The following GBE1 variants were observed in gnomAD, a reference collection of about 807,000 sequenced individuals.
The protein encoded by GBE1 is 1,4-alpha-glucan-branching enzyme.
In GBE1, 70 loss-of-function variants were observed where a neutral mutation model predicts 88.8. That is an observed-to-expected ratio of 0.79 (90% CI 0.65 to 0.96). The LOEUF is 0.96. Ranked by LOEUF, GBE1 falls within the 40% of genes least tolerant of loss-of-function variation. The pLI is 0.00. For synonymous variants in GBE1, 284 were observed against 300.1 expected (o/e 0.95, Z 0.56); for missense variants, 872 against 871.0 (o/e 1.00, Z -0.01).
At chr3:81,700,656 T>C (rs181431875) in intron 2 of GBE1, among the ~76,000 whole-genome samples, 4 of 152,172 alleles carry the variant, frequency 2.6e-5, no homozygotes, top group Admixed American at 6.5e-5. Context: ...TTAAGAAATA[T>C]GAAGGCTTTT....
chr3:81,714,472 T>C (rs1705914139), intron 1 of GBE1, among the ~76,000 whole-genome samples: 2 of 152,156 alleles, frequency 1.3e-5, no homozygotes, highest in Non-Finnish European at 1.5e-5. Flanking sequence ...ACACTATTAA[T>C]TAATGTATTC....
At chr3:81,635,817 T>C (rs1704584416) in intron 7 of GBE1, among the ~76,000 whole-genome samples, 1 of 152,154 alleles carries the variant, frequency 6.6e-6, no homozygotes, top group South Asian at 2.1e-4. Context: ...AATAGAGAGA[T>C]GTTTTAGGGC....
At chr3:81,745,572 T>C (rs1706410519) in intron 1 of GBE1, among the ~76,000 whole-genome samples, 1 of 151,886 alleles carries the variant, frequency 6.6e-6, no homozygotes, top group African/African-American at 2.4e-5. Flanking sequence ...ATTATTATTA[T>C]CAGTAAACTT....
intron 14 of GBE1, among the ~76,000 whole-genome samples, chr3:81,532,523 C>A (rs1485268399): frequency 6.6e-6 from 1 of 151,994 alleles, no homozygotes; most frequent in Admixed American, 6.6e-5. Context: ...CCCTAATTAT[C>A]TTTTAGGTGT....
In GBE1 at chr3:81,497,107, G is replaced by A. The variant is rs79270770; in HGVS notation, c.2052+2003C>T. Among the ~76,000 whole-genome samples, 1,225 of 152,218 alleles carry A rather than the reference G, an allele frequency of 8.0e-3. 13 individuals carry two copies. The highest frequency in any genetic ancestry group is 0.025 in the African/African-American group (1,029 of 41,550). ...TTTTCCACACTGGTGAGATCAATTC[G>A]ATTAGTGATTGAAAAGTAATCTCCT... On this transcript the variant is annotated intron_variant, in intron 15 of 15. Coordinates refer to ENST00000429644, the MANE Select transcript of GBE1 (RefSeq NM_000158.4).
intron 7 of GBE1, among the ~76,000 whole-genome samples, chr3:81,594,748 C>T (rs1472915983): frequency 6.6e-6 from 1 of 151,972 alleles, no homozygotes; most frequent in Non-Finnish European, 1.5e-5. Flanking sequence ...AACAAAGAAA[C>T]TGTGTAACTC....
chr3:81,711,672 T>C (rs1444346239), intron 1 of GBE1, among the ~76,000 whole-genome samples: 1 of 152,178 alleles, frequency 6.6e-6, no homozygotes, highest in Non-Finnish European at 1.5e-5. Context: ...GATTAAAGAC[T>C]TAAATGTTAG....
At chr3:81,517,829 C>A (rs1489571879) in intron 14 of GBE1, among the ~76,000 whole-genome samples, 1 of 151,218 alleles carries the variant, frequency 6.6e-6, no homozygotes, top group East Asian at 1.9e-4. Flanking sequence ...AGTTATTTCA[C>A]CACTAGGTAG....
chr3:81,615,356 C>A (rs1336731819), intron 7 of GBE1, among the ~76,000 whole-genome samples: 1 of 152,126 alleles, frequency 6.6e-6, no homozygotes, highest in African/African-American at 2.4e-5. Flanking sequence ...ATATTGGCAT[C>A]AATACAGCCA....
At chr3:81,638,357 T>A (rs944508378) in intron 7 of GBE1, among the ~76,000 whole-genome samples, 9 of 152,150 alleles carry the variant, frequency 5.9e-5, no homozygotes, top group African/African-American at 2.2e-4. Flanking sequence ...AAGTCAGTAT[T>A]TTATCTTTGA....
intron 7 of GBE1, chr3:81,642,523 A>G (rs1453019159): frequency 3.3e-6 from 1 of 298,516 alleles, no homozygotes; most frequent in East Asian, 7.1e-5. Flanking sequence ...AAAATGATTC[A>G]CAGTAAAATT....
At chr3:81,571,608 A>G (rs558476835) in intron 12 of GBE1, among the ~76,000 whole-genome samples, 3 of 152,320 alleles carry the variant, frequency 2.0e-5, no homozygotes, top group East Asian at 3.9e-4. Context: ...GTGCTCTTCT[A>G]TAACACTACA....
At chr3:81,737,698 G>T (rs1706287726) in intron 1 of GBE1, among the ~76,000 whole-genome samples, 1 of 150,942 alleles carries the variant, frequency 6.6e-6, no homozygotes, top group Non-Finnish European at 1.5e-5. Flanking sequence ...CATTTTTGTT[G>T]AATTTTATGT....
chr3:81,560,536 A>G (rs1179246104), intron 12 of GBE1, among the ~76,000 whole-genome samples: 1 of 152,022 alleles, frequency 6.6e-6, no homozygotes, highest in African/African-American at 2.4e-5. Flanking sequence ...CATGATGTAT[A>G]AAAGATTAAA....
intron 14 of GBE1, among the ~76,000 whole-genome samples, chr3:81,520,759 A>C (rs1160215034): frequency 6.6e-6 from 1 of 151,616 alleles, no homozygotes; most frequent in Non-Finnish European, 1.5e-5. Context: ...TATCTATTGC[A>C]TTAAAGAATA....
chr3:81,692,529 C>T (rs898688201), intron 2 of GBE1, among the ~76,000 whole-genome samples: 2 of 152,180 alleles, frequency 1.3e-5, no homozygotes, highest in African/African-American at 2.4e-5. Flanking sequence ...CCCCCTTTTG[C>T]TCTCAGTTTT....
At chr3:81,727,074 A>G (rs1235391853) in intron 1 of GBE1, among the ~76,000 whole-genome samples, 3 of 152,128 alleles carry the variant, frequency 2.0e-5, no homozygotes, top group Non-Finnish European at 2.9e-5. Flanking sequence ...TGATACCCAT[A>G]GTAACATCCA....
chr3:81,604,056 T>C (rs1704068459), intron 7 of GBE1, among the ~76,000 whole-genome samples: 1 of 152,074 alleles, frequency 6.6e-6, no homozygotes, highest in African/African-American at 2.4e-5. Context: ...TCACAAAATC[T>C]TCTTATTTTT....
chr3:81,619,961 A>G (rs948918920), intron 7 of GBE1, among the ~76,000 whole-genome samples: 1 of 151,982 alleles, frequency 6.6e-6, no homozygotes, highest in African/African-American at 2.4e-5. Flanking sequence ...AAATGTCATC[A>G]CCATTAAAAA....
Sources: allele counts gnomAD v4.1 joint callset (sites outside exome capture counted in the v4.1 genomes callset), GRCh38; gene constraint gnomAD v4.1.1; transcripts MANE v1.5; gene names NCBI Gene and HGNC (gene_info 2026-07-23, HGNC 2026-07-21).